The following ALLC variants were observed in gnomAD, a reference collection of about 807,000 sequenced individuals.
ALLC encodes the protein allantoicase.
Under a neutral mutation model 45.0 loss-of-function variants are expected in ALLC, and 40 were observed. That is an observed-to-expected ratio of 0.89 (90% CI 0.69 to 1.16). The LOEUF is 1.16. ALLC is among the 50% of genes most tolerant of loss of function. The pLI is 0.00. For synonymous variants in ALLC, 176 were observed against 178.1 expected (o/e 0.99, Z 0.09); for missense variants, 488 against 493.1 (o/e 0.99, Z 0.10).
upstream of ALLC, among the ~76,000 whole-genome samples, chr2:3,657,478 C>A (rs994310930): frequency 4.0e-5 from 6 of 150,834 alleles, no homozygotes; most frequent in African/African-American, 1.2e-4. Context: ...CAGCTCAGTC[C>A]CTCCCTGCGC....
intron 2 of ALLC, 28 bp from the exon 3 acceptor site, chr2:3,674,047 A>C: frequency 8.4e-6 from 12 of 1,425,920 alleles, no homozygotes; most frequent in Non-Finnish European, 1.1e-5. Flanking sequence ...TGGTTGCTTT[A>C]TCTTTCTTTC....
upstream of ALLC, among the ~76,000 whole-genome samples, chr2:3,655,054 C>T (rs115161010): frequency 1.2e-3 from 190 of 152,360 alleles, no homozygotes; most frequent in South Asian, 0.014. Flanking sequence ...CCTCCCTCTG[C>T]GGACAGGAAC....
chr2:3,673,493 G>T (rs1484645828), intron 2 of ALLC, among the ~76,000 whole-genome samples: 1 of 152,244 alleles, frequency 6.6e-6, no homozygotes, highest in Non-Finnish European at 1.5e-5. Flanking sequence ...CTGGGGCAGG[G>T]TGCCCTCCAG....
chr2:3,668,566 C>CTTT (rs1173613810), intron 1 of ALLC, among the ~76,000 whole-genome samples: 5,007 of 71,830 alleles, frequency 0.07, 1,005 homozygotes, highest in Non-Finnish European at 0.082. Flanking sequence ...ATGTGTATGA[C>CTTT]TTTTTTTTTT....
At chr2:3,702,141 T>C (rs546107184) in intron 11 of ALLC, among the ~76,000 whole-genome samples, 144 of 152,308 alleles carry the variant, frequency 9.5e-4, no homozygotes, top group African/African-American at 3.2e-3. Context: ...GGCATTTAGG[T>C]TGCCCATCAA....
the ALLC span, among the ~76,000 whole-genome samples, chr2:3,652,788 C>T: frequency 1.5e-4 from 23 of 152,098 alleles, no homozygotes; most frequent in East Asian, 3.9e-4. Context: ...CACCGTGTTG[C>T]GCAGTCTGGT....
At chr2:3,659,080 T>C (rs1410740426) in intron 1 of ALLC, among the ~76,000 whole-genome samples, 3 of 152,128 alleles carry the variant, frequency 2.0e-5, no homozygotes, top group East Asian at 1.9e-4. Context: ...CAAACCACTT[T>C]TATTATTTCA....
At chr2:3,674,234 C>A in intron 3 of ALLC, 109 bp downstream of exon 3, 1 of 785,594 alleles carries the variant, frequency 1.3e-6, no homozygotes, top group Non-Finnish European at 2.1e-6. Flanking sequence ...GTGATGTACA[C>A]TGGCAAATTA....
chr2:3,667,494 G>A (rs116117508), intron 1 of ALLC, among the ~76,000 whole-genome samples: 3,696 of 152,300 alleles, frequency 0.024, 115 homozygotes, highest in African/African-American at 0.07. Flanking sequence ...TGGATACATC[G>A]CGGTTGGCCA....
chr2:3,672,442 C>G lies in ALLC; in HGVS notation c.33+1252C>G, dbSNP rs992343991. The stretch of plus-strand genomic sequence containing the variant: ...CTCTGGCTCTGGTTAGATGGGAGGT[C>G]CTCTGGCTCTGGTTAGATCGGAGGT... On this transcript the variant is annotated intron_variant, in intron 2 of 11. Coordinates refer to ENST00000252505, the MANE Select transcript of ALLC (RefSeq NM_018436.4). 2.0e-4 allele frequency among the ~76,000 whole-genome samples: 28 copies of G among 138,232 alleles called. 1 individual carries two copies. The highest frequency in any genetic ancestry group is 2.0e-3 in the Admixed American group (28 of 14,302). The allele number at this position is 138,232 out of a possible 152,430, so 90.7% of individuals were successfully genotyped here.
intron 10 of ALLC, among the ~76,000 whole-genome samples, chr2:3,700,722 G>A (rs879631487): frequency 1.1e-4 from 17 of 152,130 alleles, no homozygotes; most frequent in African/African-American, 4.1e-4. Context: ...CAGCTCTAAT[G>A]TTCTCTACTT....
chr2:3,670,770 T>G (rs1666844744), intron 1 of ALLC, among the ~76,000 whole-genome samples: 1 of 152,156 alleles, frequency 6.6e-6, no homozygotes, highest in Admixed American at 6.5e-5. Flanking sequence ...TTTTCAAAAT[T>G]AAAATAATCT....
At chr2:3,679,503 C>A (rs1366443788) in intron 4 of ALLC, among the ~76,000 whole-genome samples, 2 of 152,190 alleles carry the variant, frequency 1.3e-5, no homozygotes, top group Non-Finnish European at 1.5e-5. Context: ...TTTATGGAAG[C>A]TAACGGCATC....
chr2:3,646,163 G>A, the ALLC span, among the ~76,000 whole-genome samples: 1 of 152,180 alleles, frequency 6.6e-6, no homozygotes, highest in Non-Finnish European at 1.5e-5. Flanking sequence ...GCAGGCATGT[G>A]TACTACCTGC....
chr2:3,682,825 T>G (rs1444605019), intron 6 of ALLC, 117 bp from the exon 7 acceptor site: 3 of 1,108,616 alleles, frequency 2.7e-6, no homozygotes. Context: ...GTGCCCGGCA[T>G]CCATCATTAA....
At chr2:3,655,982 G>A (rs1666430005), upstream of ALLC, among the ~76,000 whole-genome samples, 1 of 152,100 alleles carries the variant, frequency 6.6e-6, no homozygotes, top group Non-Finnish European at 1.5e-5. Flanking sequence ...GCTGTCAGCA[G>A]AGCCAGCGAG....
intron 2 of ALLC, among the ~76,000 whole-genome samples, chr2:3,673,413 C>T (rs903013317): frequency 1.3e-5 from 2 of 152,228 alleles, no homozygotes; most frequent in African/African-American, 4.8e-5. Context: ...TGCTCTGCCA[C>T]TCAAACAGCC....
At chr2:3,696,153 A>T (rs1667665334) in intron 8 of ALLC, 122 bp from the exon 9 acceptor site, 2 of 856,740 alleles carry the variant, frequency 2.3e-6, no homozygotes, top group Admixed American at 3.2e-5. Flanking sequence ...CATTAACTTT[A>T]ATGAAAATAA....
At chr2:3,684,411 T>C (rs551681479) in intron 7 of ALLC, among the ~76,000 whole-genome samples, 1 of 152,344 alleles carries the variant, frequency 6.6e-6, no homozygotes, top group South Asian at 2.1e-4. Flanking sequence ...TCTTCAGATC[T>C]CTATTCACTT....
Sources: allele counts gnomAD v4.1 joint callset (sites outside exome capture counted in the v4.1 genomes callset), GRCh38; gene constraint gnomAD v4.1.1; transcripts MANE v1.5; gene names NCBI Gene and HGNC (gene_info 2026-07-23, HGNC 2026-07-21).